Variants in IL1RAPL2 observed in about 807,000 individuals in gnomAD.
IL1RAPL2 encodes the protein X-linked interleukin-1 receptor accessory protein-like 2.
IL1RAPL2 carries 3 observed loss-of-function variants against 44.1 expected under a neutral mutation model. That is an observed-to-expected ratio of 0.07 (90% CI 0.03 to 0.18). The LOEUF (loss-of-function observed/expected upper bound fraction) is 0.18, where lower values mean the gene tolerates loss of function less well. Among genes scored for constraint, IL1RAPL2 ranks in the 10% least tolerant of loss-of-function variants. The pLI is 1.00. For missense variants in IL1RAPL2, 391 were observed against 496.4 expected (o/e 0.79, Z 2.02); for synonymous variants, 181 against 178.8 (o/e 1.01, Z -0.10).
chrX:105,437,574 T>G (rs2035890774), intron 5 of IL1RAPL2, among the ~76,000 whole-genome samples: 1 of 111,627 alleles, frequency 9.0e-6, no homozygotes, highest in Non-Finnish European at 1.9e-5. Context: ...TGTATTTATT[T>G]TTTTGCTACT....
Position 105,234,002 on chromosome X carries a change from A to T in IL1RAPL2, c.541A>T (p.Lys181Ter), listed in dbSNP as rs2034097090. ...SDQEPDVVWY[K>*]ECKPKMWRSI... ...TCAGGAGCCTGATGTTGTGTGGTAT[A>T]AGGTAACTCAGCATGGTGTCAAATT... Residue 181 changes from lysine (K) to a stop codon, truncating the protein, a stop_gained and splice_region_variant, in exon 4 of 11, where the codon AAG (lysine) becomes TAG (stop). Transcript: ENST00000372582. LOFTEE classifies it high-confidence loss of function. The T allele has an allele frequency of 8.4e-7, 1 of 1,193,371 alleles. No individual in the cohort carries two copies.
At chrX:105,085,114 C>T (rs951849784) in intron 2 of IL1RAPL2, among the ~76,000 whole-genome samples, 1 of 112,159 alleles carries the variant, frequency 8.9e-6, no homozygotes, top group Non-Finnish European at 1.9e-5. Context: ...TTATAAATTA[C>T]AGGCTTGGGC....
chrX:105,403,721 C>T (rs1423794655), intron 5 of IL1RAPL2, among the ~76,000 whole-genome samples: 1 of 111,255 alleles, frequency 9.0e-6, no homozygotes, highest in Admixed American at 9.6e-5. Flanking sequence ...GGTTCAGGTT[C>T]AAACTCCTGG....
intron 6 of IL1RAPL2, among the ~76,000 whole-genome samples, chrX:105,608,208 T>TTA (rs1323476744): frequency 2.7e-5 from 3 of 111,795 alleles, no homozygotes; most frequent in Non-Finnish European, 5.7e-5. Flanking sequence ...AAATCCGATA[T>TTA]TCATTAGGTG....
chrX:104,742,662 CTG>C (rs1932116047), intron 2 of IL1RAPL2, among the ~76,000 whole-genome samples: 1 of 111,484 alleles, frequency 9.0e-6, no homozygotes, highest in Non-Finnish European at 1.9e-5. Flanking sequence ...TTTTGGTTGA[CTG>C]TACATATTCC....
intron 2 of IL1RAPL2, among the ~76,000 whole-genome samples, chrX:104,679,987 C>G (rs764547833): frequency 9.0e-6 from 1 of 111,188 alleles, no homozygotes; most frequent in Non-Finnish European, 1.9e-5. Flanking sequence ...GGCAAAGAGG[C>G]GCTATGGGGT....
At chrX:105,113,172 G>A (rs139885691) in intron 2 of IL1RAPL2, among the ~76,000 whole-genome samples, 1 of 112,357 alleles carries the variant, frequency 8.9e-6, no homozygotes, top group African/African-American at 3.2e-5. Context: ...ATTTTCCAGG[G>A]TCTGATGACT....
At chrX:104,742,533 ATGTT>A (rs1932114476) in intron 2 of IL1RAPL2, among the ~76,000 whole-genome samples, 2 of 111,809 alleles carry the variant, frequency 1.8e-5, no homozygotes, top group Non-Finnish European at 1.9e-5. Flanking sequence ...CACTCAGTAA[ATGTT>A]TGTTTAATGA....
At chrX:105,730,605 ATGT>A in intron 7 of IL1RAPL2, among the ~76,000 whole-genome samples, 1 of 111,324 alleles carries the variant, frequency 9.0e-6, no homozygotes, top group Non-Finnish European at 1.9e-5. Flanking sequence ...AATAGACCAT[ATGT>A]TAGGACACAA....
At chrX:104,652,535 G>A (rs771765432) in intron 1 of IL1RAPL2, among the ~76,000 whole-genome samples, 4 of 112,055 alleles carry the variant, frequency 3.6e-5, no homozygotes, top group Non-Finnish European at 7.5e-5. Flanking sequence ...TAGTGACCAA[G>A]TGGCTGCCCT....
intron 2 of IL1RAPL2, among the ~76,000 whole-genome samples, chrX:104,780,391 CTG>C (rs1569313302): frequency 8.9e-6 from 1 of 112,006 alleles, no homozygotes; most frequent in Non-Finnish European, 1.9e-5. Flanking sequence ...TGATATCTCT[CTG>C]TCACAGAAAT....
At chrX:105,027,043 C>T (rs947406461) in intron 2 of IL1RAPL2, among the ~76,000 whole-genome samples, 2 of 110,912 alleles carry the variant, frequency 1.8e-5, no homozygotes, top group East Asian at 2.8e-4. Context: ...AACTCATTTT[C>T]GACAAAGATG....
chrX:105,498,226 T>A (rs1343882885), intron 6 of IL1RAPL2, among the ~76,000 whole-genome samples: 1 of 111,928 alleles, frequency 8.9e-6, no homozygotes, highest in Non-Finnish European at 1.9e-5. Flanking sequence ...TATTCAAAGA[T>A]CATATGCATC....
chrX:105,420,952 G>A (rs1258875149), intron 5 of IL1RAPL2, among the ~76,000 whole-genome samples: 1 of 111,990 alleles, frequency 8.9e-6, no homozygotes, highest in Non-Finnish European at 1.9e-5. Flanking sequence ...CTGGGAATAA[G>A]AATAGTACTG....
intron 3 of IL1RAPL2, among the ~76,000 whole-genome samples, chrX:105,209,945 T>G (rs2033794731): frequency 9.0e-6 from 1 of 110,972 alleles, no homozygotes; most frequent in Admixed American, 9.6e-5. Context: ...CCCACTGCTC[T>G]CCCCTTTGAT....
chrX:105,004,914 C>G (rs2030914518), intron 2 of IL1RAPL2, among the ~76,000 whole-genome samples: 1 of 110,912 alleles, frequency 9.0e-6, no homozygotes, highest in Non-Finnish European at 1.9e-5. Context: ...ATCCCCGTCC[C>G]TCAGTGAGGT....
intron 1 of IL1RAPL2, among the ~76,000 whole-genome samples, chrX:104,641,461 G>A (rs897333089): frequency 8.9e-5 from 10 of 112,027 alleles, no homozygotes; most frequent in African/African-American, 9.7e-5. Flanking sequence ...CGGCTGTGCC[G>A]AGTCCCTGCC....
intron 8 of IL1RAPL2, among the ~76,000 whole-genome samples, chrX:105,747,097 C>G (rs940908346): frequency 1.8e-5 from 2 of 110,603 alleles, no homozygotes; most frequent in African/African-American, 6.6e-5. Flanking sequence ...CCTGCTTTAT[C>G]CCCAACATAG....
In IL1RAPL2 at chrX:104,780,811, T is replaced by C. The variant is rs1172694403; in HGVS notation, c.82+121816T>C. On this transcript the variant is annotated intron_variant, in intron 2 of 10. Transcript: ENST00000372582. Reference sequence around the variant, plus strand: ...ATCTTCCAGGTATTTTGGAAACTATTTACCTGTGCTAATAATTTGCCATCC... The same window carrying C: ...ATCTTCCAGGTATTTTGGAAACTATCTACCTGTGCTAATAATTTGCCATCC... Among the ~76,000 whole-genome samples, 3 of 111,512 alleles carry C rather than the reference T, an allele frequency of 2.7e-5. No homozygotes were observed. In the East Asian group the frequency reaches 8.4e-4, roughly 31 times the overall value.
Sources: allele counts gnomAD v4.1 joint callset (sites outside exome capture counted in the v4.1 genomes callset), GRCh38; gene constraint gnomAD v4.1.1; transcripts MANE v1.5; gene names NCBI Gene and HGNC (gene_info 2026-07-23, HGNC 2026-07-21).